CADPS2: variants seen among roughly 807,000 people sequenced by gnomAD.
The protein encoded by CADPS2 is calcium-dependent secretion activator 2.
CADPS2 carries 93 observed loss-of-function variants against 172.5 expected under a neutral mutation model. The ratio of observed to expected loss-of-function variants is 0.54; its 90% CI spans 0.46 to 0.64. The LOEUF (loss-of-function observed/expected upper bound fraction) is 0.64, where lower values mean the gene tolerates loss of function less well. Ranked by LOEUF, CADPS2 falls within the 30% of genes least tolerant of loss-of-function variation. CADPS2 has a pLI of 0.00. For missense variants in CADPS2, 1,420 were observed against 1,565.9 expected, an observed-to-expected ratio of 0.91 and a Z score of 1.57; for synonymous variants, 546 against 555.2, an observed-to-expected ratio of 0.98 and a Z score of 0.23.
intron 3 of CADPS2, among the ~76,000 whole-genome samples, chr7:122,659,705 T>C (rs1248079524): frequency 5.3e-5 from 8 of 151,816 alleles, no homozygotes; most frequent in African/African-American, 1.9e-4. Context: ...AGACACAGCA[T>C]ATTCGAATTG....
chr7:122,572,826 G>GA (rs1175798106), intron 7 of CADPS2, among the ~76,000 whole-genome samples: 6 of 152,200 alleles, frequency 3.9e-5, no homozygotes, highest in East Asian at 3.9e-4. Context: ...TGTTTCCTGA[G>GA]AAAAAATCCT....
intron 2 of CADPS2, among the ~76,000 whole-genome samples, chr7:122,684,304 G>C (rs1185515151): frequency 6.6e-6 from 1 of 152,100 alleles, no homozygotes; most frequent in Non-Finnish European, 1.5e-5. Context: ...TTACTGTACA[G>C]AGAGCATAGT....
chr7:122,740,412 C>A (rs2092400313), intron 1 of CADPS2, among the ~76,000 whole-genome samples: 1 of 151,996 alleles, frequency 6.6e-6, no homozygotes, highest in Non-Finnish European at 1.5e-5. Flanking sequence ...CATGGAGGAA[C>A]CTTAAATGCA....
chr7:122,591,541 C>T (rs1016724329), intron 6 of CADPS2, among the ~76,000 whole-genome samples: 1 of 152,034 alleles, frequency 6.6e-6, no homozygotes, highest in African/African-American at 2.4e-5. Context: ...CAATCCTAGG[C>T]CAAAAGAACA....
intron 2 of CADPS2, among the ~76,000 whole-genome samples, chr7:122,705,370 T>C (rs2086829371): frequency 6.8e-6 from 1 of 147,776 alleles, no homozygotes; most frequent in Admixed American, 7.1e-5. Context: ...AGTTTTTCAT[T>C]CTGTTGAATT....
At chr7:122,376,816 T>C (rs62474596) in intron 25 of CADPS2, among the ~76,000 whole-genome samples, 33,690 of 152,058 alleles carry the variant, frequency 0.22, 3,972 homozygotes, top group African/African-American at 0.26. Flanking sequence ...TATAAACTTA[T>C]ATGGTTGTAT....
chr7:122,727,766 A>T (rs2091254343), intron 2 of CADPS2, among the ~76,000 whole-genome samples: 1 of 151,984 alleles, frequency 6.6e-6, no homozygotes, highest in Non-Finnish European at 1.5e-5. Context: ...ATTGTATACA[A>T]CAATAGGAAT....
intron 28 of CADPS2, among the ~76,000 whole-genome samples, chr7:122,329,380 C>T (rs566786687): frequency 6.6e-6 from 1 of 152,206 alleles, no homozygotes; most frequent in South Asian, 2.1e-4. Flanking sequence ...GCGGGATCCA[C>T]GCAGCTGTAA....
chr7:122,397,775 G>A (rs1585611465), intron 20 of CADPS2, among the ~76,000 whole-genome samples: 4 of 152,130 alleles, frequency 2.6e-5, no homozygotes, highest in Middle Eastern at 3.4e-3. Flanking sequence ...CCTTTACAAA[G>A]CACCCATTAC....
chr7:122,699,867 A>G (rs535336099), intron 2 of CADPS2, among the ~76,000 whole-genome samples: 5 of 152,222 alleles, frequency 3.3e-5, no homozygotes, highest in African/African-American at 4.8e-5. Context: ...GGCACAATTC[A>G]TTTTTTAAAA....
At position 122,567,994 on chromosome 7, in the gene CADPS2, A is replaced by T. The variant is rs574313613; in HGVS notation, c.1335+13185T>A. Among the ~76,000 whole-genome samples the T allele has an allele frequency of 3.3e-5, 5 of 152,318 alleles. No individual in the cohort carries two copies. The South Asian group carries it at 1.0e-3, about 32-fold the overall frequency. On this transcript the variant is annotated intron_variant, in intron 7 of 29. Coordinates refer to ENST00000449022, the MANE Select transcript of CADPS2 (RefSeq NM_017954.11). Reference sequence around the variant, plus strand: ...CCCAGTTAAAAGGCAGAGGTGTGTCAGAATGGATAATAAAGACACAATTAT... The same window carrying T: ...CCCAGTTAAAAGGCAGAGGTGTGTCTGAATGGATAATAAAGACACAATTAT...
chr7:122,433,161 T>C (rs2050184434), intron 17 of CADPS2, among the ~76,000 whole-genome samples: 2 of 151,550 alleles, frequency 1.3e-5, no homozygotes, highest in Admixed American at 1.3e-4. Flanking sequence ...TGTGTGTGTG[T>C]GTGGAGATGG....
At chr7:122,750,507 T>C (rs2092906737) in intron 1 of CADPS2, among the ~76,000 whole-genome samples, 1 of 152,120 alleles carries the variant, frequency 6.6e-6, no homozygotes, top group African/African-American at 2.4e-5. Context: ...TATAATGCCT[T>C]TGTCTCTTAG....
chr7:122,868,416 T>C (rs1364952131), intron 1 of CADPS2, among the ~76,000 whole-genome samples: 1 of 152,138 alleles, frequency 6.6e-6, no homozygotes, highest in Non-Finnish European at 1.5e-5. Context: ...GAAATATATA[T>C]TTAACATTCT....
chr7:122,562,227 G>C (rs1385734410), intron 7 of CADPS2, among the ~76,000 whole-genome samples: 1 of 152,126 alleles, frequency 6.6e-6, no homozygotes, highest in Admixed American at 6.6e-5. Flanking sequence ...GGAGAATTAA[G>C]GTAGCAGGTG....
intron 24 of CADPS2, among the ~76,000 whole-genome samples, chr7:122,382,680 A>G (rs544636050): frequency 4.5e-4 from 68 of 152,162 alleles, no homozygotes; most frequent in African/African-American, 1.5e-3. Flanking sequence ...GAGGCTGGGC[A>G]TGGTGGCTCA....
Position 122,474,428 on chromosome 7 carries a change from G to A in CADPS2, c.1951C>T (p.Gln651Ter), listed in dbSNP as rs768699477. The change falls in exon 13 of 30, where the codon CAG becomes TAG. Residue 651 changes from glutamine (Q) to a stop codon, truncating the protein, a stop_gained. Coordinates refer to ENST00000449022, the MANE Select transcript of CADPS2 (RefSeq NM_017954.11). LOFTEE classifies it high-confidence loss of function. ...LDHAFLFRILQRQTLDHRLND... is the reference protein window; with the variant it reads ...LDHAFLFRIL ...AGTCTGTGATCCAAAGTCTGCCTCT[G>A]GAGTATTCTAAAAAGGAAGGCATGA... is the stretch of plus-strand genomic sequence containing the variant. 2 of 1,613,346 alleles carry A rather than the reference G, an allele frequency of 1.2e-6. No homozygotes were observed. The highest frequency in any genetic ancestry group is 1.7e-6 in the Non-Finnish European group (2 of 1,179,632).
chr7:122,489,997 TA>T, intron 11 of CADPS2, 83 bp downstream of exon 11: 1 of 1,147,970 alleles, frequency 8.7e-7, no homozygotes, highest in Non-Finnish European at 1.3e-6. Context: ...TGATGTAAAC[TA>T]TAATACTGAA....
intron 3 of CADPS2, among the ~76,000 whole-genome samples, chr7:122,654,866 C>G (rs1180458284): frequency 6.6e-6 from 1 of 152,152 alleles, no homozygotes; most frequent in Non-Finnish European, 1.5e-5. Flanking sequence ...GATCACCATT[C>G]TAGATGCCAT....
Sources: allele counts gnomAD v4.1 joint callset (sites outside exome capture counted in the v4.1 genomes callset), GRCh38; gene constraint gnomAD v4.1.1; transcripts MANE v1.5; gene names NCBI Gene and HGNC (gene_info 2026-07-23, HGNC 2026-07-21).